The following RTCB variants were observed in gnomAD, a reference collection of about 807,000 sequenced individuals.
The protein encoded by RTCB is RNA-splicing ligase RTCB.
RTCB carries 32 observed loss-of-function variants against 58.2 expected under a neutral mutation model. The observed-to-expected ratio is 0.55, with a 90% CI of 0.41 to 0.74. RTCB has a LOEUF of 0.74. RTCB is among the 30% of genes least tolerant of loss of function. The probability of loss-of-function intolerance (pLI) is 0.00; values close to 1 mark genes in which losing one functional copy is unlikely to be tolerated. For missense variants in RTCB, 523 were observed against 639.0 expected (o/e 0.82, Z 1.96); for synonymous variants, 247 against 218.6 (o/e 1.13, Z -1.15).
At chr22:32,399,821 A>G (rs761435663) in intron 5 of RTCB, 62 bp from the exon 6 acceptor site, 83 of 1,433,336 alleles carry the variant, frequency 5.8e-5, no homozygotes, top group Non-Finnish European at 7.4e-5. Context: ...CCTAAGGATG[A>G]CCACATCCTT....
intron 10 of RTCB, among the ~76,000 whole-genome samples, chr22:32,393,456 G>A (rs926218853): frequency 5.3e-5 from 8 of 152,104 alleles, no homozygotes; most frequent in Admixed American, 2.6e-4. Context: ...ACTGTACATG[G>A]GCTCTAATTT....
chr22:32,411,594 G>T (rs1329252611), intron 1 of RTCB, among the ~76,000 whole-genome samples: 1 of 152,128 alleles, frequency 6.6e-6, no homozygotes, highest in African/African-American at 2.4e-5. Context: ...ACCAACATGC[G>T]ATACTGAATG....
At chr22:32,407,454 C>G (rs544675492) in intron 3 of RTCB, 1 of 152,598 alleles carries the variant, frequency 6.6e-6, no homozygotes, top group South Asian at 2.1e-4. Context: ...ATGCTGTCCT[C>G]TCTTCCTCCC....
intron 6 of RTCB, 74 bp downstream of exon 6, chr22:32,399,525 AAGAT>A (rs1933300258): frequency 7.5e-7 from 1 of 1,331,430 alleles, no homozygotes; most frequent in South Asian, 1.4e-5. Context: ...TGCTAAATGT[AAGAT>A]ATAGATTTTT....
rs191904716 is a variant in RTCB at position 32,410,191 on chromosome 22, A to G, written c.94-1358T>C. 1.1e-4 allele frequency among the ~76,000 whole-genome samples: 16 copies of G among 152,310 alleles called. No individual in the cohort carries two copies. The East Asian group carries it at 2.7e-3, about 26-fold the overall frequency. On this transcript the variant is annotated intron_variant, in intron 1 of 11. Transcript: ENST00000216038. ...GCCATAACATTAAGTACACAGTGCT[A>G]TGGAAGAATCTGATGAGGAAGTGCC...
chr22:32,409,015 A>C (rs943069681), intron 1 of RTCB, among the ~76,000 whole-genome samples, 182 bp from the exon 2 acceptor site: 4 of 152,214 alleles, frequency 2.6e-5, no homozygotes, highest in Non-Finnish European at 4.4e-5. Flanking sequence ...CGGAAAATAT[A>C]CCTTAAGAAA....
At chr22:32,406,409 G>A (rs938585105) in intron 4 of RTCB, among the ~76,000 whole-genome samples, 4 of 151,904 alleles carry the variant, frequency 2.6e-5, no homozygotes, top group Admixed American at 6.6e-5. Context: ...TGCAACCTCC[G>A]CCTCCCGGGT....
intron 2 of RTCB, among the ~76,000 whole-genome samples, chr22:32,408,451 C>T (rs1361076397): frequency 6.6e-6 from 1 of 152,158 alleles, no homozygotes; most frequent in African/African-American, 2.4e-5. Flanking sequence ...TGCAAAGCAC[C>T]TAGTAACATG....
At chr22:32,411,337 A>G (rs1404404559) in intron 1 of RTCB, among the ~76,000 whole-genome samples, 2 of 152,192 alleles carry the variant, frequency 1.3e-5, no homozygotes, top group East Asian at 3.8e-4. Flanking sequence ...ATGAGCACAG[A>G]TGGTGATGAA....
At chr22:32,399,493 TA>T (rs1472418655) in intron 6 of RTCB, 109 bp downstream of exon 6, 9 of 1,069,404 alleles carry the variant, frequency 8.4e-6, no homozygotes, top group African/African-American at 1.6e-5. Context: ...TGATATACCA[TA>T]AAAAAACCTG....
chr22:32,405,304 T>C (rs1933401083), intron 4 of RTCB, among the ~76,000 whole-genome samples: 1 of 152,202 alleles, frequency 6.6e-6, no homozygotes, highest in South Asian at 2.1e-4. Flanking sequence ...CAATAATTAT[T>C]ACTAAAGTGG....
At chr22:32,404,612 G>T (rs558578438) in intron 4 of RTCB, among the ~76,000 whole-genome samples, 1 of 152,246 alleles carries the variant, frequency 6.6e-6, no homozygotes, top group African/African-American at 2.4e-5. Flanking sequence ...TCCCTATGTT[G>T]TGCAGGCTGG....
chr22:32,392,127 A>C, intron 11 of RTCB, 113 bp downstream of exon 11: 1 of 1,198,648 alleles, frequency 8.3e-7, no homozygotes, highest in Non-Finnish European at 1.2e-6. Context: ...CATAAAAAAA[A>C]ATAACCCAAA....
chr22:32,389,691 A>G (rs886706668), intron 11 of RTCB, among the ~76,000 whole-genome samples: 2 of 152,144 alleles, frequency 1.3e-5, no homozygotes, highest in African/African-American at 4.8e-5. Flanking sequence ...ATCAGACTCT[A>G]TCTCCTCTCA....
chr22:32,394,011 G>A lies in RTCB; in HGVS notation c.1180-9C>T. The A allele has an allele frequency of 1.3e-6, 2 of 1,569,050 alleles. No individual in the cohort carries two copies. The highest frequency in any genetic ancestry group is 1.8e-6 in the Non-Finnish European group (2 of 1,139,094). Reference sequence around the variant, plus strand: ...ACTGGCTGTCCAGTGAGCTGAGGATGCACATAAATCAAACATGTTAAAATT... The same window carrying A: ...ACTGGCTGTCCAGTGAGCTGAGGATACACATAAATCAAACATGTTAAAATT... On this transcript the variant is annotated splice_polypyrimidine_tract_variant and intron_variant, in intron 9 of 11. Transcript: ENST00000216038.
chr22:32,392,343 C>T lies in RTCB; in HGVS notation c.1307G>A (p.Arg436Gln), dbSNP rs748528006. 4.3e-6 allele frequency: 7 copies of T among 1,613,902 alleles called. No homozygotes were observed. The highest frequency in any genetic ancestry group is 4.2e-6 in the Non-Finnish European group (5 of 1,179,922). ...TCHGAGRALS[R>Q]AKSRRNLDFQ... ...ATCTAAATTACGTCGAGATTTTGCT[C>T]GGGACAATGCACGGCCCTAGAATGG... The change falls in exon 11 of 12, where the codon CGA (arginine) becomes CAA (glutamine). Residue 436 changes from arginine (R) to glutamine (Q), a missense_variant. Coordinates refer to ENST00000216038, the MANE Select transcript of RTCB (RefSeq NM_014306.5).
intron 1 of RTCB, among the ~76,000 whole-genome samples, chr22:32,410,364 A>T (rs1933499463): frequency 6.6e-6 from 1 of 152,196 alleles, no homozygotes; most frequent in South Asian, 2.1e-4. Flanking sequence ...TTAAGGGAAT[A>T]AAGAGAAATT....
Position 32,406,709 on chromosome 22 carries a change from T to C in RTCB, c.293A>G (p.Asn98Ser). ...VHSGYGFAIG[N>S]MAAFDMNDPE... ...GTCATTCATATCAAAGGCTGCCATG[T>C]TCCCAATAGCAAACCCATATCCTGA... is the stretch of plus-strand genomic sequence containing the variant. The change falls in exon 4 of 12, where the codon AAC becomes AGC. Residue 98 changes from asparagine to serine, a missense_variant. Around this residue, in one of 3 missense-constraint regions of RTCB, gnomAD observed 134 missense variants for 129.9 expected, o/e 1.03. Transcript: ENST00000216038. 6.2e-7 allele frequency: 1 copy of C among 1,612,958 alleles called. No homozygotes were observed. The highest frequency in any genetic ancestry group is 1.1e-5 in the South Asian group (1 of 91,062).
chr22:32,393,843 A>G (rs570244775), intron 10 of RTCB, 49 bp downstream of exon 10: 6 of 1,299,612 alleles, frequency 4.6e-6, no homozygotes, highest in Admixed American at 1.7e-5. Flanking sequence ...ATGGAAAACC[A>G]TAGCTAAACT....
Sources: gnomAD v4.1 joint callset for allele counts (sites outside exome capture counted in the v4.1 genomes callset) on GRCh38, gnomAD v4.1.1 for gene constraint, gnomAD v4.1.1 regional missense constraint, MANE v1.5 for transcripts, NCBI Gene and HGNC (gene_info 2026-07-23, HGNC 2026-07-21) for gene names.